CTNNBL1: variants seen among roughly 807,000 people sequenced by gnomAD.
CTNNBL1 encodes the protein catenin beta like 1, also known as beta-catenin-like protein 1.
In CTNNBL1, 31 loss-of-function variants were observed where a neutral mutation model predicts 72.7. The observed-to-expected ratio is 0.43, with a 90% CI of 0.32 to 0.58. The LOEUF (loss-of-function observed/expected upper bound fraction) is 0.58. CTNNBL1 is among the 20% of genes least tolerant of loss of function. The pLI is 0.08. For synonymous variants in CTNNBL1, 240 were observed against 267.3 expected (o/e 0.90, Z 1.00); for missense variants, 534 against 725.1 (o/e 0.74, Z 3.03).
chr20:37,777,191 G>C, intron 7 of CTNNBL1, 154 bp from the exon 8 acceptor site: 1 of 603,636 alleles, frequency 1.7e-6, no homozygotes, highest in South Asian at 1.9e-5. Flanking sequence ...CTGGTCTCTT[G>C]AGAGCAGAGG....
At chr20:37,725,744 G>A (rs1478030300) in intron 1 of CTNNBL1, among the ~76,000 whole-genome samples, 1 of 151,416 alleles carries the variant, frequency 6.6e-6, no homozygotes, top group East Asian at 2.0e-4. Flanking sequence ...AGCACTTTGG[G>A]AGACCGAGGC....
At chr20:37,713,983 C>T (rs1023788079) in intron 1 of CTNNBL1, among the ~76,000 whole-genome samples, 8 of 151,950 alleles carry the variant, frequency 5.3e-5, no homozygotes, top group African/African-American at 1.9e-4. Flanking sequence ...AGGAAGCTCA[C>T]AGAGGTTTGG....
chr20:37,844,442 A>G (rs1354214735), intron 13 of CTNNBL1, among the ~76,000 whole-genome samples: 2 of 152,158 alleles, frequency 1.3e-5, no homozygotes, highest in Non-Finnish European at 2.9e-5. Flanking sequence ...TTTTTGGACA[A>G]TGGAATGAAT....
intron 10 of CTNNBL1, among the ~76,000 whole-genome samples, chr20:37,787,723 G>A (rs932113753): frequency 1.3e-5 from 2 of 152,112 alleles, no homozygotes; most frequent in East Asian, 1.9e-4. Flanking sequence ...TAGTAATTAC[G>A]TTTAGCCCTT....
chr20:37,737,830 G>T (rs1568757763), intron 3 of CTNNBL1, among the ~76,000 whole-genome samples: 1 of 152,230 alleles, frequency 6.6e-6, no homozygotes, highest in Non-Finnish European at 1.5e-5. Flanking sequence ...CATGTGTGCA[G>T]TGATGCTGTC....
At chr20:37,790,384 A>C (rs1017008155) in intron 10 of CTNNBL1, among the ~76,000 whole-genome samples, 13 of 152,186 alleles carry the variant, frequency 8.5e-5, no homozygotes, top group Admixed American at 7.9e-4. Flanking sequence ...CCAGGATTCA[A>C]GTGCAAAAGC....
chr20:37,743,978 A>AG (rs2073240829), intron 3 of CTNNBL1, among the ~76,000 whole-genome samples: 1 of 151,754 alleles, frequency 6.6e-6, no homozygotes, highest in Non-Finnish European at 1.5e-5. Flanking sequence ...TTATGTCAAA[A>AG]GGAAAAAAAA....
intron 13 of CTNNBL1, among the ~76,000 whole-genome samples, chr20:37,859,178 G>C (rs1222482414): frequency 6.6e-6 from 1 of 152,020 alleles, no homozygotes; most frequent in Non-Finnish European, 1.5e-5. Context: ...CCAACATGGA[G>C]AACTCTTGTC....
In CTNNBL1 at chr20:37,744,089, C is replaced by T. The variant is rs546307947; in HGVS notation, c.327-2379C>T. ...GATAGAGATTAATTTCCTTAATATA[C>T]GGTGTTTATAAATCTATAAACAAAG... On this transcript the variant is annotated intron_variant, in intron 3 of 15. Transcript: ENST00000361383. Among the ~76,000 whole-genome samples the T allele has an allele frequency of 6.6e-5, 10 of 152,088 alleles. No individual in the cohort carries two copies. The East Asian group carries it at 9.6e-4, about 15-fold the overall frequency.
At chr20:37,711,360 G>A (rs778548216) in intron 1 of CTNNBL1, among the ~76,000 whole-genome samples, 6 of 151,644 alleles carry the variant, frequency 4.0e-5, no homozygotes, top group African/African-American at 7.3e-5. Flanking sequence ...ATTTTGGGGC[G>A]GTTAGCAAAT....
At position 37,803,130 on chromosome 20, in the gene CTNNBL1, C is replaced by T. The variant is rs553969810; in HGVS notation, c.1213+82C>T. The T allele has an allele frequency of 2.6e-5, 34 of 1,292,116 alleles. No individual in the cohort carries two copies. The African/African-American group carries it at 3.5e-4, about 13-fold the overall frequency. The allele number at this position is 1,292,116 out of a possible 1,614,324, so 80.0% of individuals were successfully genotyped here. On this transcript the variant is annotated intron_variant, in intron 11 of 15. Coordinates refer to ENST00000361383, the MANE Select transcript of CTNNBL1 (RefSeq NM_030877.5). ...TGTGAACTACTTTGAAAAATTCTGA[C>T]GTGTTTGGGGGATAGAGGGGAAGAG...
At chr20:37,728,909 T>C (rs1257873719) in intron 1 of CTNNBL1, among the ~76,000 whole-genome samples, 1 of 152,176 alleles carries the variant, frequency 6.6e-6, no homozygotes, top group East Asian at 1.9e-4. Context: ...ATGGTATACT[T>C]ACACTATTGA....
intron 10 of CTNNBL1, among the ~76,000 whole-genome samples, chr20:37,786,910 G>A (rs1346524399): frequency 6.6e-6 from 1 of 152,072 alleles, no homozygotes; most frequent in African/African-American, 2.4e-5. Context: ...TTTGTTTGTG[G>A]CCTTATACTT....
intron 10 of CTNNBL1, among the ~76,000 whole-genome samples, chr20:37,797,806 C>G (rs1285998441): frequency 1.3e-5 from 2 of 152,184 alleles, no homozygotes; most frequent in Non-Finnish European, 2.9e-5. Context: ...GCTGCTGCCC[C>G]TCTTCTTACT....
At chr20:37,726,559 A>C (rs897594441) in intron 1 of CTNNBL1, among the ~76,000 whole-genome samples, 3 of 152,136 alleles carry the variant, frequency 2.0e-5, no homozygotes, top group African/African-American at 7.2e-5. Context: ...TCAAATTACT[A>C]AGTCTTTCCT....
chr20:37,795,191 G>C (rs2073762182), intron 10 of CTNNBL1, among the ~76,000 whole-genome samples: 2 of 149,894 alleles, frequency 1.3e-5, no homozygotes, highest in South Asian at 4.2e-4. Context: ...CTGGCATGCA[G>C]TGATGCAGTC....
rs576850325 is a variant in CTNNBL1, at chr20:37,794,265, G to A, written c.1032-8602G>A. Among the ~76,000 whole-genome samples the A allele has an allele frequency of 7.2e-5, 11 of 152,016 alleles. No individual in the cohort carries two copies. The East Asian group carries it at 2.1e-3, about 29-fold the overall frequency. On this transcript the variant is annotated intron_variant, in intron 10 of 15. Transcript: ENST00000361383. The stretch of plus-strand genomic sequence containing the variant: ...CATCTCTGGTAATGCTGGTCTACTG[G>A]TGATGACTTCTGTGAGCTGTATATG...
At chr20:37,794,922 T>G (rs1186217480) in intron 10 of CTNNBL1, among the ~76,000 whole-genome samples, 1 of 152,140 alleles carries the variant, frequency 6.6e-6, no homozygotes, top group Non-Finnish European at 1.5e-5. Flanking sequence ...CATCTGGCTT[T>G]CTTGGTTTTT....
chr20:37,847,818 T>A (rs2294438), intron 13 of CTNNBL1: 48,881 of 152,718 alleles, frequency 0.32, 8,710 homozygotes, highest in South Asian at 0.43. Context: ...ACAAATTGCA[T>A]GCTAATTTTG....
Sources: allele counts gnomAD v4.1 joint callset (sites outside exome capture counted in the v4.1 genomes callset), GRCh38; gene constraint gnomAD v4.1.1; transcripts MANE v1.5; gene names NCBI Gene and HGNC (gene_info 2026-07-23, HGNC 2026-07-21).